Variants in UBE2R2 observed in about 807,000 individuals in gnomAD.
The protein encoded by UBE2R2 is ubiquitin conjugating enzyme E2 R2, also known as ubiquitin-conjugating enzyme E2 R2.
Under a neutral mutation model 27.8 loss-of-function variants are expected in UBE2R2, and 1 was observed. The observed-to-expected ratio is 0.04, with a 90% CI of 0.01 to 0.17. The LOEUF (loss-of-function observed/expected upper bound fraction) is 0.17, where lower values mean the gene tolerates loss of function less well. UBE2R2 is among the 10% of genes least tolerant of loss of function. The pLI is 1.00. For synonymous variants in UBE2R2, 106 were observed against 113.3 expected (o/e 0.94, Z 0.41); for missense variants, 100 against 291.0 (o/e 0.34, Z 4.78).
chr9:33,887,058 A>G (rs1464390822), intron 2 of UBE2R2, 91 bp downstream of exon 2: 18 of 1,001,102 alleles, frequency 1.8e-5, no homozygotes, highest in Non-Finnish European at 1.5e-6. Context: ...TTTGATACTT[A>G]GGCTTTTGTA....
At position 33,919,315 on chromosome 9, in the gene UBE2R2, A is replaced by T. The variant is rs1327111642; in HGVS notation, c.*2078A>T. On this transcript the variant is annotated 3_prime_UTR_variant, in exon 5 of 5. Coordinates refer to ENST00000263228, the MANE Select transcript of UBE2R2 (RefSeq NM_017811.4). ...TCCCCCAAAATGCCCCCAAACCCCC[A>T]TGCAAGTTTACAGCCAGTAGCTTGG... 1.3e-5 allele frequency: 2 copies of T among 150,884 alleles called. No homozygotes were observed. The highest frequency in any genetic ancestry group is 2.9e-5 in the Non-Finnish European group (2 of 67,810). 9.3% of individuals were successfully genotyped at this position (150,884 alleles called of 1,614,324 possible).
At chr9:33,815,787 C>A (rs1349558097), upstream of UBE2R2, among the ~76,000 whole-genome samples, 2 of 152,046 alleles carry the variant, frequency 1.3e-5, no homozygotes, top group Non-Finnish European at 2.9e-5. Flanking sequence ...TACAGCTATG[C>A]CTTAAAGTTT....
intron 1 of UBE2R2, among the ~76,000 whole-genome samples, chr9:33,858,563 A>C (rs1821157106): frequency 6.6e-6 from 1 of 151,650 alleles, no homozygotes; most frequent in Non-Finnish European, 1.5e-5. Flanking sequence ...GCACCACCAC[A>C]CCTGGCTTTT....
Position 33,875,675 on chromosome 9 carries a change from A to G in UBE2R2, c.178-11206A>G, listed in dbSNP as rs187820836. ...GGGTCAGTGTTTTTTGCCATTTTAC[A>G]TAAAAAGGAACTTGAAATCCAGAGA... On this transcript the variant is annotated intron_variant, in intron 1 of 4. Transcript: ENST00000263228. Among the ~76,000 whole-genome samples the G allele has an allele frequency of 3.9e-5, 6 of 152,356 alleles. No homozygotes were observed. In the East Asian group the frequency reaches 9.6e-4, roughly 24 times the overall value.
chr9:33,851,450 TTG>T (rs2130753842), intron 1 of UBE2R2, among the ~76,000 whole-genome samples: 1 of 152,340 alleles, frequency 6.6e-6, no homozygotes, highest in African/African-American at 2.4e-5. Flanking sequence ...GTTATCCTGT[TTG>T]TGTAGTCTCT....
rs1326630989 is a variant in UBE2R2, at chr9:33,833,863, C to T, written c.177+15929C>T. Among the ~76,000 whole-genome samples, 4 of 152,116 alleles carry T rather than the reference C, an allele frequency of 2.6e-5. No homozygotes were observed. The South Asian group carries it at 8.3e-4, about 31-fold the overall frequency. On this transcript the variant is annotated intron_variant, in intron 1 of 4. Transcript: ENST00000263228. ...TTCTGTCTTTATGAATTTGTTTATTCTGGGCACCTTGTAGAAGTGGAGTCA... is the reference window on the plus strand; with the variant it reads ...TTCTGTCTTTATGAATTTGTTTATTTTGGGCACCTTGTAGAAGTGGAGTCA...
At chr9:33,860,119 T>TAA (rs1222697299) in intron 1 of UBE2R2, among the ~76,000 whole-genome samples, 133 of 113,736 alleles carry the variant, frequency 1.2e-3, no homozygotes, top group African/African-American at 2.1e-3. Context: ...TTTTTTTTTT[T>TAA]AAAAAAATAG....
chr9:33,903,311 T>C (rs1426574978), intron 3 of UBE2R2, among the ~76,000 whole-genome samples: 1 of 152,208 alleles, frequency 6.6e-6, no homozygotes, highest in African/African-American at 2.4e-5. Flanking sequence ...TTCTGGTGCA[T>C]GGATTTTCAG....
At chr9:33,900,499 T>C (rs994039202) in intron 3 of UBE2R2, among the ~76,000 whole-genome samples, 6 of 152,198 alleles carry the variant, frequency 3.9e-5, no homozygotes, top group Non-Finnish European at 8.8e-5. Flanking sequence ...CACTTAGGAA[T>C]AGATTTTCAA....
At chr9:33,829,969 G>A (rs1587427746) in intron 1 of UBE2R2, among the ~76,000 whole-genome samples, 1 of 150,878 alleles carries the variant, frequency 6.6e-6, no homozygotes, top group East Asian at 2.0e-4. Flanking sequence ...GGCTAATTTT[G>A]TACTTTTAGT....
intron 1 of UBE2R2, among the ~76,000 whole-genome samples, chr9:33,849,388 G>A (rs969419305): frequency 2.6e-5 from 4 of 151,988 alleles, no homozygotes; most frequent in African/African-American, 9.7e-5. Flanking sequence ...TATGTATACC[G>A]AATATTTAAA....
chr9:33,822,094 A>ATT (rs750703942), intron 1 of UBE2R2, among the ~76,000 whole-genome samples: 1,869 of 139,712 alleles, frequency 0.013, 7 homozygotes, highest in Non-Finnish European at 0.018. Flanking sequence ...ATATATATAT[A>ATT]TATTTTTTTT....
In UBE2R2 at chr9:33,824,414, A is replaced by T. The variant is rs990628991; in HGVS notation, c.177+6480A>T. On this transcript the variant is annotated intron_variant, in intron 1 of 4. Transcript: ENST00000263228. Reference sequence around the variant, plus strand: ...CACTTTGGGAGGCCGAGGCGGGCGGATCACGAGGTCAGGAGATGGAGATCA... The same window carrying T: ...CACTTTGGGAGGCCGAGGCGGGCGGTTCACGAGGTCAGGAGATGGAGATCA... Among the ~76,000 whole-genome samples, 5 of 152,154 alleles carry T rather than the reference A, an allele frequency of 3.3e-5. No individual in the cohort carries two copies. The East Asian group carries it at 5.8e-4, about 18-fold the overall frequency.
At chr9:33,857,070 T>C (rs1046448974) in intron 1 of UBE2R2, among the ~76,000 whole-genome samples, 1 of 151,564 alleles carries the variant, frequency 6.6e-6, no homozygotes, top group Non-Finnish European at 1.5e-5. Flanking sequence ...CTAATTTTTG[T>C]ATTGTTAGTA....
At position 33,859,799 on chromosome 9, in the gene UBE2R2, T is replaced by TGTGTGTGTGTGA. The variant is rs766779268; in HGVS notation, c.178-27081_178-27080insTGTGTGTGTGAG. On this transcript the variant is annotated intron_variant, in intron 1 of 4. Coordinates refer to ENST00000263228, the MANE Select transcript of UBE2R2 (RefSeq NM_017811.4). The stretch of plus-strand genomic sequence containing the variant: ...GTGTGTGTGTGTGTGTGTGTGTGTG[T>TGTGTGTGTGTGA]GAGAGAGAGAGAGAGAGAGAGAGAC... 5.9e-3 allele frequency among the ~76,000 whole-genome samples: 507 copies of TGTGTGTGTGTGA among 86,496 alleles called. 2 individuals carry two copies. The highest frequency in any genetic ancestry group is 0.019 in the Middle Eastern group (4 of 216). The allele number at this position is 86,496 out of a possible 152,430, so 56.7% of individuals were successfully genotyped here.
At chr9:33,865,114 A>T (rs1206212335) in intron 1 of UBE2R2, among the ~76,000 whole-genome samples, 1 of 150,656 alleles carries the variant, frequency 6.6e-6, no homozygotes. Context: ...TCCCACCTTG[A>T]CCTCCCAAAG....
At chr9:33,901,459 CAACT>C (rs1454243211) in intron 3 of UBE2R2, among the ~76,000 whole-genome samples, 1 of 152,202 alleles carries the variant, frequency 6.6e-6, no homozygotes, top group African/African-American at 2.4e-5. Context: ...GCATAGCCCA[CAACT>C]AAGGAGAGGG....
intron 1 of UBE2R2, among the ~76,000 whole-genome samples, chr9:33,826,883 G>A (rs1229459856): frequency 6.6e-6 from 1 of 152,122 alleles, no homozygotes; most frequent in Non-Finnish European, 1.5e-5. Context: ...GGAAGTTCGA[G>A]ACCAGCCTGG....
In UBE2R2 at chr9:33,880,465, A is replaced by G. The variant is rs140583203; in HGVS notation, c.178-6416A>G. Among the ~76,000 whole-genome samples, 5 of 152,310 alleles carry G rather than the reference A, an allele frequency of 3.3e-5. No individual in the cohort carries two copies. The East Asian group carries it at 9.6e-4, about 29-fold the overall frequency. ...TTTAGAAAATCAGAATTTCTAGCTT[A>G]ATTCATTGTGGCCAAAGAATATGCT... On this transcript the variant is annotated intron_variant, in intron 1 of 4. Transcript: ENST00000263228.
Sources: allele counts gnomAD v4.1 joint callset (sites outside exome capture counted in the v4.1 genomes callset), GRCh38; gene constraint gnomAD v4.1.1; transcripts MANE v1.5; gene names NCBI Gene and HGNC (gene_info 2026-07-23, HGNC 2026-07-21).